Variants in CSMD1 observed in about 807,000 individuals in gnomAD.
CSMD1 encodes the protein CUB and sushi domain-containing protein 1.
In CSMD1, 213 loss-of-function variants were observed where a neutral mutation model predicts 417.5. That is an observed-to-expected ratio of 0.51 (90% confidence interval 0.46 to 0.57). CSMD1 has a LOEUF of 0.57. Ranked by LOEUF, CSMD1 falls within the 20% of genes least tolerant of loss-of-function variation. The probability of loss-of-function intolerance (pLI) is 0.00; values close to 1 mark genes in which losing one functional copy is unlikely to be tolerated. For synonymous variants in CSMD1, 2,862 were observed against 1,736.8 expected (o/e 1.65, Z -16.11); for missense variants, 6,923 against 4,529.7 (o/e 1.53, Z -15.17).
chr8:4,735,003 T>G (rs1199044476), intron 1 of CSMD1, among the ~76,000 whole-genome samples: 2 of 152,194 alleles, frequency 1.3e-5, no homozygotes, highest in East Asian at 1.9e-4. Flanking sequence ...TGCTGAGAAG[T>G]GCTCGGGTTG....
chr8:3,386,393 C>T (rs953544784), intron 18 of CSMD1, among the ~76,000 whole-genome samples: 3 of 152,168 alleles, frequency 2.0e-5, no homozygotes, highest in Admixed American at 6.5e-5. Flanking sequence ...CCAGCTGGTT[C>T]GCACACTTCC....
chr8:3,711,483 T>A (rs147403650), intron 6 of CSMD1, among the ~76,000 whole-genome samples: 8 of 152,312 alleles, frequency 5.3e-5, no homozygotes, highest in Admixed American at 2.0e-4. Flanking sequence ...CGCTGGTTCA[T>A]GAACGTCCTG....
chr8:4,923,728 G>C (rs578178249), intron 1 of CSMD1, among the ~76,000 whole-genome samples: 2 of 152,060 alleles, frequency 1.3e-5, no homozygotes, highest in Middle Eastern at 6.3e-3. Context: ...CATGATTACA[G>C]AAATTTACCA....
intron 3 of CSMD1, among the ~76,000 whole-genome samples, chr8:4,154,828 T>C (rs1395460887): frequency 6.6e-6 from 1 of 152,086 alleles, no homozygotes; most frequent in African/African-American, 2.4e-5. Flanking sequence ...GGCACGATTA[T>C]AAATTAGTGA....
At chr8:4,902,362 A>G (rs1804938498) in intron 1 of CSMD1, among the ~76,000 whole-genome samples, 1 of 151,292 alleles carries the variant, frequency 6.6e-6, no homozygotes, top group African/African-American at 2.4e-5. Context: ...GATTGAGCCC[A>G]GGAGTTGAAG....
intron 3 of CSMD1, among the ~76,000 whole-genome samples, chr8:4,120,966 C>A (rs1991139): frequency 0.17 from 25,255 of 152,070 alleles, 2,257 homozygotes; most frequent in African/African-American, 0.19. Flanking sequence ...CTTACATGGT[C>A]ATGGACAAAC....
At position 2,955,628 on chromosome 8, in the gene CSMD1, C is replaced by T; in HGVS notation, c.9955G>A (p.Ala3319Thr). 1 of 1,613,848 alleles carries T rather than the reference C, an allele frequency of 6.2e-7. No individual in the cohort carries two copies. Among genetic ancestry groups the T allele is most frequent in the Non-Finnish European group, 8.5e-7 (1 of 1,179,822 alleles). The change falls in exon 64 of 70, where the codon GCA becomes ACA. Residue 3319 changes from alanine to threonine, a missense_variant. Ala to Thr is a moderately conservative substitution (Grantham distance 58). Coordinates refer to ENST00000635120, the MANE Select transcript of CSMD1 (RefSeq NM_033225.6). Reference protein sequence around the residue: ...AGGSEHRTCKADMKWTGKSPV... With the variant: ...AGGSEHRTCKTDMKWTGKSPV... ...GACTTTCCTGTCCATTTCATGTCTGCTTTACATGTTCTGTGCTCAGATCCC... is the reference window on the plus strand; with the variant it reads ...GACTTTCCTGTCCATTTCATGTCTGTTTTACATGTTCTGTGCTCAGATCCC...
chr8:4,047,699 G>T (rs553031585), intron 3 of CSMD1, among the ~76,000 whole-genome samples: 206 of 152,132 alleles, frequency 1.4e-3, no homozygotes, highest in South Asian at 4.4e-3. Context: ...AATAAAATTT[G>T]TAATAGCTCA....
Position 3,998,071 on chromosome 8 carries a change from C to T in CSMD1, c.650G>A (p.Ser217Asn). The part of the protein sequence containing the change: ...ACGGTLRGTS[S>N]SISSPHFPSE... ...AGGGAAGTGCGGGCTGGAGATGGAG[C>T]TGCTGGTCCCGCGTAAGGTTCCTCC... The change falls in exon 5 of 70, where the codon AGC (serine) becomes AAC (asparagine). Residue 217 changes from serine to asparagine, a missense_variant. By Grantham distance (46) the Ser-to-Asn change is conservative. Transcript: ENST00000635120. 1 of 1,589,476 alleles carries T rather than the reference C, an allele frequency of 6.3e-7. No homozygotes were observed. The highest frequency in any genetic ancestry group is 8.6e-7 in the Non-Finnish European group (1 of 1,167,182).
At chr8:3,970,147 T>C (rs1433196863) in intron 5 of CSMD1, among the ~76,000 whole-genome samples, 1 of 152,192 alleles carries the variant, frequency 6.6e-6, no homozygotes, top group South Asian at 2.1e-4. Flanking sequence ...AAAATAATCA[T>C]TTTATGTGAC....
At chr8:3,448,121 G>A (rs1815416276) in intron 12 of CSMD1, among the ~76,000 whole-genome samples, 1 of 151,292 alleles carries the variant, frequency 6.6e-6, no homozygotes, top group African/African-American at 2.4e-5. Flanking sequence ...ATATTAGCAT[G>A]ATGCTGTCAA....
At chr8:4,313,182 T>G (rs1411835544) in intron 3 of CSMD1, among the ~76,000 whole-genome samples, 1 of 152,164 alleles carries the variant, frequency 6.6e-6, no homozygotes, top group African/African-American at 2.4e-5. Context: ...TAAATGTACA[T>G]TTTTTAAACC....
intron 1 of CSMD1, among the ~76,000 whole-genome samples, chr8:4,652,768 G>A (rs1182484140): frequency 6.6e-6 from 1 of 152,148 alleles, no homozygotes; most frequent in Non-Finnish European, 1.5e-5. Flanking sequence ...CGGTTTTGTG[G>A]AAGACAATTT....
chr8:3,942,501 C>G (rs981966517), intron 5 of CSMD1, among the ~76,000 whole-genome samples: 1 of 152,148 alleles, frequency 6.6e-6, no homozygotes, highest in Admixed American at 6.5e-5. Flanking sequence ...AATTTACCTT[C>G]AGGGACTATA....
chr8:4,982,369 T>G (rs1810940944), intron 1 of CSMD1, among the ~76,000 whole-genome samples: 1 of 152,220 alleles, frequency 6.6e-6, no homozygotes, highest in Non-Finnish European at 1.5e-5. Flanking sequence ...CCTGGTGGCA[T>G]CTGGTCCTGC....
At chr8:4,837,795 G>A (rs1585188738) in intron 1 of CSMD1, among the ~76,000 whole-genome samples, 1 of 152,058 alleles carries the variant, frequency 6.6e-6, no homozygotes, top group Non-Finnish European at 1.5e-5. Flanking sequence ...TGCCGGCTGG[G>A]ATGGATATAT....
At chr8:3,369,434 A>G in intron 18 of CSMD1, 64 bp from the exon 19 acceptor site, 1 of 801,198 alleles carries the variant, frequency 1.2e-6, no homozygotes, top group Admixed American at 2.2e-5. Context: ...AGAACAAAAT[A>G]CTGGTTAAAT....
chr8:3,474,195 G>A (rs575243692), intron 11 of CSMD1, among the ~76,000 whole-genome samples: 1 of 152,162 alleles, frequency 6.6e-6, no homozygotes, highest in Non-Finnish European at 1.5e-5. Flanking sequence ...CTGTGCATGT[G>A]AGGTTTATTG....
intron 3 of CSMD1, among the ~76,000 whole-genome samples, chr8:4,184,643 G>A (rs1334510553): frequency 6.6e-6 from 1 of 152,042 alleles, no homozygotes; most frequent in Non-Finnish European, 1.5e-5. Flanking sequence ...TTTATAAGTT[G>A]GAGCTAAAGG....
Sources: gnomAD v4.1 joint callset for allele counts (sites outside exome capture counted in the v4.1 genomes callset) on GRCh38, gnomAD v4.1.1 for gene constraint, MANE v1.5 for transcripts, NCBI Gene and HGNC (gene_info 2026-07-23, HGNC 2026-07-21) for gene names.